CPQ: variants seen among roughly 807,000 people sequenced by gnomAD.
CPQ encodes carboxypeptidase Q.
Under a neutral mutation model 45.7 loss-of-function variants are expected in CPQ, and 37 were observed. That is an observed-to-expected ratio of 0.81 (90% CI 0.62 to 1.07). The LOEUF is 1.07. Ranked by LOEUF, CPQ falls within the 50% of genes least tolerant of loss-of-function variation. CPQ has a pLI of 0.00. For missense variants in CPQ, 537 were observed against 572.9 expected, an observed-to-expected ratio of 0.94 and a Z score of 0.64; for synonymous variants, 186 against 205.8, an observed-to-expected ratio of 0.90 and a Z score of 0.82.
intron 7 of CPQ, among the ~76,000 whole-genome samples, chr8:97,081,201 T>C (rs772125248): frequency 6.6e-6 from 1 of 152,184 alleles, no homozygotes. Flanking sequence ...TTAATACCTT[T>C]AGCACTATAC....
intron 4 of CPQ, among the ~76,000 whole-genome samples, chr8:96,915,793 C>T (rs1383215055): frequency 6.6e-6 from 1 of 152,076 alleles, no homozygotes; most frequent in Non-Finnish European, 1.5e-5. Flanking sequence ...CTTAGGCAGC[C>T]GATGTTTCAG....
chr8:97,098,990 G>A (rs1401425534), intron 7 of CPQ, among the ~76,000 whole-genome samples: 1 of 151,748 alleles, frequency 6.6e-6, no homozygotes, highest in Non-Finnish European at 1.5e-5. Context: ...ACTTAGGCCT[G>A]TTAAATAAAA....
At position 96,785,067 on chromosome 8, in the gene CPQ, G is replaced by T; in HGVS notation, c.170G>T (p.Gly57Val). 6.2e-7 allele frequency: 1 copy of T among 1,613,780 alleles called. No homozygotes were observed. Among genetic ancestry groups the T allele is most frequent in the South Asian group, 1.1e-5 (1 of 91,084 alleles). ...GCAATCATCAACCTAGCTGTTTATG[G>T]TAAAGCCCAGAACAGATCCTATGAG... is the stretch of plus-strand genomic sequence containing the variant. ...AKAIINLAVY[G>V]KAQNRSYERL... The change falls in exon 2 of 8, where the codon GGT becomes GTT. Residue 57 changes from glycine (G) to valine (V), a missense_variant. By Grantham distance (109) the Gly-to-Val change is moderately radical (BLOSUM62 -3). Transcript: ENST00000220763.
chr8:96,803,594 A>G (rs549023946), intron 2 of CPQ, among the ~76,000 whole-genome samples: 1 of 152,294 alleles, frequency 6.6e-6, no homozygotes, highest in South Asian at 2.1e-4. Flanking sequence ...TTGGTTTTCA[A>G]TACACTGAAC....
rs769242024 is a variant in CPQ at position 96,835,081 on chromosome 8, C to G, written c.542C>G (p.Ser181Ter). 3 of 1,612,930 alleles carry G rather than the reference C, an allele frequency of 1.9e-6. No individual in the cohort carries two copies. Among genetic ancestry groups the G allele is most frequent in the Non-Finnish European group, 2.5e-6 (3 of 1,179,518 alleles). The change falls in exon 3 of 8, where the codon TCA becomes TGA. Residue 181 changes from serine (S) to a stop codon, truncating the protein, a stop_gained. Transcript: ENST00000220763. LOFTEE classifies it high-confidence loss of function. ...VVYNQPYINY[S>*]RTVQYRTQGA... ...TATAACCAACCTTACATCAACTACT[C>G]AAGGACGGTGCAATACCGAACGCAG... is the stretch of plus-strand genomic sequence containing the variant.
intron 2 of CPQ, among the ~76,000 whole-genome samples, chr8:96,809,965 C>T (rs1460799260): frequency 1.3e-5 from 2 of 152,166 alleles, no homozygotes; most frequent in Non-Finnish European, 2.9e-5. Flanking sequence ...AAGTCGTCCC[C>T]CATACACACC....
intron 1 of CPQ, among the ~76,000 whole-genome samples, chr8:96,734,711 AAAAAT>A (rs199655853): frequency 0.61 from 89,920 of 146,394 alleles, 28,441 homozygotes; most frequent in East Asian, 0.86. Flanking sequence ...ACTCCATCTC[AAAAAT>A]AAAATAAAAT....
At chr8:97,018,998 T>C (rs951364836) in intron 5 of CPQ, among the ~76,000 whole-genome samples, 2 of 152,100 alleles carry the variant, frequency 1.3e-5, no homozygotes, top group Admixed American at 6.5e-5. Flanking sequence ...CCAGGTAAAC[T>C]ATAAAGGAAA....
Position 96,655,156 on chromosome 8 carries a change from A to G in CPQ, c.-35+9754A>G, listed in dbSNP as rs146655396. On this transcript the variant is annotated intron_variant, in intron 1 of 7. Coordinates refer to ENST00000220763, the MANE Select transcript of CPQ (RefSeq NM_016134.4). ...TTTTTTCTGTTTCCTTTTAAAATAT[A>G]CTTTCTGGCCATTTTTCTCTCTCTT... Among the ~76,000 whole-genome samples the G allele has an allele frequency of 3.7e-3, 564 of 151,898 alleles. 19 individuals are homozygous for G. The highest frequency in any genetic ancestry group is 0.033 in the Admixed American group (498 of 15,260).
intron 4 of CPQ, among the ~76,000 whole-genome samples, chr8:96,952,450 A>G (rs903745731): frequency 6.6e-6 from 1 of 152,156 alleles, no homozygotes; most frequent in African/African-American, 2.4e-5. Context: ...ATGCAATTAA[A>G]AAGATTGAGT....
intron 7 of CPQ, among the ~76,000 whole-genome samples, chr8:97,133,634 A>G (rs745730322): frequency 3.4e-4 from 52 of 152,234 alleles, no homozygotes; most frequent in Non-Finnish European, 6.9e-4. Context: ...AATATATATT[A>G]GGATAAAATT....
intron 2 of CPQ, among the ~76,000 whole-genome samples, chr8:96,793,390 C>T (rs916315813): frequency 3.9e-5 from 6 of 151,962 alleles, no homozygotes; most frequent in Admixed American, 1.3e-4. Context: ...GAGAAGAGAG[C>T]TTGTGCAGGG....
At chr8:97,086,418 G>A (rs1458235696) in intron 7 of CPQ, among the ~76,000 whole-genome samples, 1 of 152,056 alleles carries the variant, frequency 6.6e-6, no homozygotes, top group Middle Eastern at 3.2e-3. Context: ...ATAAGAATTG[G>A]GGCTAAAACC....
chr8:96,859,743 T>C (rs926413228), intron 3 of CPQ, among the ~76,000 whole-genome samples: 6 of 152,160 alleles, frequency 3.9e-5, no homozygotes, highest in Non-Finnish European at 5.9e-5. Context: ...TTCTCCCTCA[T>C]TGCTTTTAAC....
At chr8:96,957,189 G>A (rs1033123667) in intron 4 of CPQ, among the ~76,000 whole-genome samples, 1 of 152,194 alleles carries the variant, frequency 6.6e-6, no homozygotes, top group Non-Finnish European at 1.5e-5. Flanking sequence ...GGAACTTGAG[G>A]TGATTGACTT....
At chr8:97,010,685 C>T (rs1809473321) in intron 5 of CPQ, among the ~76,000 whole-genome samples, 1 of 151,988 alleles carries the variant, frequency 6.6e-6, no homozygotes, top group African/African-American at 2.4e-5. Context: ...ACCTTTCTGC[C>T]CTCCCTCCAG....
chr8:97,018,773 G>A (rs1292222778), intron 5 of CPQ, among the ~76,000 whole-genome samples: 1 of 152,146 alleles, frequency 6.6e-6, no homozygotes, highest in Non-Finnish European at 1.5e-5. Flanking sequence ...GCATTGCTGA[G>A]GAAGAAGAGA....
intron 3 of CPQ, among the ~76,000 whole-genome samples, chr8:96,846,234 A>G (rs1333629045): frequency 6.6e-6 from 1 of 152,200 alleles, no homozygotes; most frequent in Admixed American, 6.5e-5. Flanking sequence ...GCAGATATGT[A>G]TTGGTATATC....
intron 2 of CPQ, among the ~76,000 whole-genome samples, chr8:96,789,315 A>G (rs1419608410): frequency 6.6e-6 from 1 of 152,042 alleles, no homozygotes; most frequent in Admixed American, 6.6e-5. Flanking sequence ...CCTTTCCCCC[A>G]TCCATTTACC....
Sources: gnomAD v4.1 joint callset for allele counts (sites outside exome capture counted in the v4.1 genomes callset) on GRCh38, gnomAD v4.1.1 for gene constraint, MANE v1.5 for transcripts, NCBI Gene and HGNC (gene_info 2026-07-23, HGNC 2026-07-21) for gene names.